Variants in DMD observed in about 807,000 individuals in gnomAD.
DMD encodes dystrophin, also known as mutant dystrophin.
DMD carries 63 observed loss-of-function variants against 330.1 expected under a neutral mutation model. The observed-to-expected ratio is 0.19, with a 90% CI of 0.16 to 0.24. DMD has a LOEUF of 0.24. Among genes scored for constraint, DMD ranks in the 10% least tolerant of loss-of-function variants. The probability of loss-of-function intolerance (pLI) is 1.00; values close to 1 mark genes in which losing one functional copy is unlikely to be tolerated. For missense variants in DMD, 3,344 were observed against 2,684.1 expected (o/e 1.25, Z -5.43); for synonymous variants, 1,223 against 959.8 (o/e 1.27, Z -5.07).
intron 7 of DMD, among the ~76,000 whole-genome samples, chrX:32,791,828 T>C (rs2075844665): frequency 8.9e-6 from 1 of 111,856 alleles, no homozygotes; most frequent in Admixed American, 9.5e-5. Context: ...AACAAAATAA[T>C]AGATGAAATC....
chrX:33,178,777 A>G, intron 1 of DMD, among the ~76,000 whole-genome samples: 1 of 112,379 alleles, frequency 8.9e-6, no homozygotes, highest in Non-Finnish European at 1.9e-5. Context: ...AGCATCATGC[A>G]ACTTTTACTG....
chrX:33,123,776 G>A (rs2095440469), intron 1 of DMD, among the ~76,000 whole-genome samples: 1 of 102,236 alleles, frequency 9.8e-6, no homozygotes, highest in African/African-American at 3.6e-5. Context: ...AAACCAGAAT[G>A]CCTTTTGTTC....
intron 55 of DMD, among the ~76,000 whole-genome samples, chrX:31,592,192 A>G (rs2076906177): frequency 1.8e-5 from 2 of 109,031 alleles, no homozygotes. Context: ...AGACATCCAA[A>G]ATGTGCATAT....
At chrX:32,748,252 G>C (rs967169652) in intron 7 of DMD, among the ~76,000 whole-genome samples, 4 of 108,117 alleles carry the variant, frequency 3.7e-5, no homozygotes, top group Non-Finnish European at 7.6e-5. Flanking sequence ...GCTGAGGCAG[G>C]AGAATTGCTT....
intron 51 of DMD, among the ~76,000 whole-genome samples, chrX:31,763,977 G>C (rs1408546262): frequency 2.7e-5 from 3 of 111,320 alleles, no homozygotes; most frequent in African/African-American, 9.8e-5. Context: ...CTGGGCCCAA[G>C]AGATCATGTC....
chrX:32,607,027 C>T (rs2056779208), intron 12 of DMD, among the ~76,000 whole-genome samples: 1 of 109,136 alleles, frequency 9.2e-6, no homozygotes, highest in African/African-American at 3.3e-5. Context: ...GAAAAATTAC[C>T]TATTGAGTAT....
intron 7 of DMD, among the ~76,000 whole-genome samples, chrX:32,720,791 T>G (rs112329676): frequency 1.8e-5 from 2 of 111,408 alleles, no homozygotes; most frequent in African/African-American, 6.5e-5. Flanking sequence ...TATATTTTTT[T>G]AAAAAAGGGT....
chrX:32,419,402 A>C (rs891946699), intron 29 of DMD, among the ~76,000 whole-genome samples: 1 of 112,263 alleles, frequency 8.9e-6, no homozygotes, highest in African/African-American at 3.2e-5. Context: ...GACTAAGTAA[A>C]TTAAAACCAT....
At position 32,805,844 on chromosome X, in the gene DMD, G is replaced by T. The variant is rs145754316; in HGVS notation, c.649+3649C>A. ...TAGCCAGTCAAACTAAGCTTCATAA[G>T]CGAAGGAGAAATAGAATGCTTTAAA... On this transcript the variant is annotated intron_variant, in intron 7 of 78. Coordinates refer to ENST00000357033, the MANE Select transcript of DMD (RefSeq NM_004006.3). 3.6e-4 allele frequency among the ~76,000 whole-genome samples: 40 copies of T among 111,720 alleles called. No individual in the cohort carries two copies. The East Asian group carries it at 0.01, about 29-fold the overall frequency.
chrX:31,373,995 T>C (rs1213428473), intron 60 of DMD, among the ~76,000 whole-genome samples: 2 of 105,824 alleles, frequency 1.9e-5, no homozygotes, highest in Admixed American at 1.0e-4. Flanking sequence ...AACAACCCCA[T>C]CAAAAAGTGG....
At chrX:31,913,100 C>T (rs1213001219) in intron 47 of DMD, among the ~76,000 whole-genome samples, 1 of 112,342 alleles carries the variant, frequency 8.9e-6, no homozygotes, top group Non-Finnish European at 1.9e-5. Context: ...GTGAGTGAGG[C>T]CATTTTGGAC....
At chrX:32,136,678 T>C (rs989509261) in intron 44 of DMD, among the ~76,000 whole-genome samples, 1 of 112,543 alleles carries the variant, frequency 8.9e-6, no homozygotes, top group Admixed American at 9.4e-5. Flanking sequence ...GGTCATTATT[T>C]TGTGAGATTC....
intron 2 of DMD, among the ~76,000 whole-genome samples, chrX:33,008,146 T>C (rs2093433408): frequency 9.0e-6 from 1 of 111,591 alleles, no homozygotes; most frequent in African/African-American, 3.2e-5. Flanking sequence ...TTTTTGTCCA[T>C]TTTTACTATT....
chrX:31,844,622 G>A (rs2093379456), intron 48 of DMD, among the ~76,000 whole-genome samples: 1 of 111,731 alleles, frequency 9.0e-6, no homozygotes, highest in Non-Finnish European at 1.9e-5. Flanking sequence ...TAAGCAGTAT[G>A]TCCATTTTAA....
At chrX:31,483,164 A>C (rs1297641062) in intron 57 of DMD, among the ~76,000 whole-genome samples, 2 of 102,458 alleles carry the variant, frequency 2.0e-5, no homozygotes, top group African/African-American at 3.7e-5. Flanking sequence ...CTCCTGCCTC[A>C]GCCTCCCGAG....
At chrX:32,635,334 T>A (rs1189740494) in intron 11 of DMD, among the ~76,000 whole-genome samples, 1 of 111,361 alleles carries the variant, frequency 9.0e-6, no homozygotes, top group Non-Finnish European at 1.9e-5. Context: ...TTTTTCACTC[T>A]TATGAAGGTG....
At chrX:31,386,816 A>G (rs1292258221) in intron 60 of DMD, among the ~76,000 whole-genome samples, 1 of 111,820 alleles carries the variant, frequency 8.9e-6, no homozygotes, top group Non-Finnish European at 1.9e-5. Context: ...AGCTGTCTTT[A>G]GCTCTGCAGT....
intron 50 of DMD, among the ~76,000 whole-genome samples, chrX:31,787,232 G>A (rs747280756): frequency 2.7e-5 from 3 of 110,901 alleles, no homozygotes; most frequent in East Asian, 2.8e-4. Flanking sequence ...TTAGCCAGGC[G>A]TGGTGGTGCA....
chrX:32,872,969 C>T lies in DMD; in HGVS notation c.94-23149G>A, dbSNP rs766047263. Among the ~76,000 whole-genome samples, 16 of 112,036 alleles carry T rather than the reference C, an allele frequency of 1.4e-4. No homozygotes were observed. The South Asian group carries it at 6.0e-3, about 42-fold the overall frequency. On this transcript the variant is annotated intron_variant, in intron 2 of 78. Coordinates refer to ENST00000357033, the MANE Select transcript of DMD (RefSeq NM_004006.3). Reference sequence around the variant, plus strand: ...TTAGTGGTGGCTAATCTTATTTAAACTAATCTTAGTGGTGGCTACCACCTC... The same window carrying T: ...TTAGTGGTGGCTAATCTTATTTAAATTAATCTTAGTGGTGGCTACCACCTC...
Sources: gnomAD v4.1 joint callset for allele counts (sites outside exome capture counted in the v4.1 genomes callset) on GRCh38, gnomAD v4.1.1 for gene constraint, MANE v1.5 for transcripts, NCBI Gene and HGNC (gene_info 2026-07-23, HGNC 2026-07-21) for gene names.